Variants in SLC14A2 observed in about 807,000 individuals in gnomAD.
The protein encoded by SLC14A2 is solute carrier family 14 member 2, also known as urea transporter 2.
A neutral mutation model predicts 104.6 loss-of-function variants in SLC14A2; 91 were observed. That is an observed-to-expected ratio of 0.87 (90% confidence interval 0.73 to 1.04). SLC14A2 has a LOEUF of 1.04. SLC14A2 is among the 50% of genes least tolerant of loss of function. The pLI is 0.00. For missense variants in SLC14A2, 1,189 were observed against 1,156.0 expected, an observed-to-expected ratio of 1.03 and a Z score of -0.41; for synonymous variants, 476 against 466.4, an observed-to-expected ratio of 1.02 and a Z score of -0.27.
intron 1 of SLC14A2, among the ~76,000 whole-genome samples, chr18:45,366,962 A>G (rs777622036): frequency 1.2e-4 from 18 of 152,320 alleles, no homozygotes; most frequent in Non-Finnish European, 2.2e-4. Context: ...TTTCAATCAC[A>G]CAGCATGCAG....
At chr18:45,675,184 A>G (rs2046205899) in intron 18 of SLC14A2, among the ~76,000 whole-genome samples, 1 of 152,256 alleles carries the variant, frequency 6.6e-6, no homozygotes, top group African/African-American at 2.4e-5. Flanking sequence ...AGAATACACT[A>G]AAGTGAATTT....
At chr18:45,259,386 T>C (rs977164324) in intron 1 of SLC14A2, among the ~76,000 whole-genome samples, 8 of 152,192 alleles carry the variant, frequency 5.3e-5, no homozygotes, top group African/African-American at 1.9e-4. Flanking sequence ...CAATTGCTGC[T>C]GTCTGGAAAA....
chr18:45,598,189 C>T (rs528271122), intron 2 of SLC14A2, among the ~76,000 whole-genome samples: 11 of 152,174 alleles, frequency 7.2e-5, no homozygotes, highest in South Asian at 4.2e-4. Flanking sequence ...CAGCCAGCCC[C>T]GACTGTTAGC....
intron 2 of SLC14A2, among the ~76,000 whole-genome samples, chr18:45,534,559 T>C (rs1158244658): frequency 6.6e-6 from 1 of 152,030 alleles, no homozygotes; most frequent in African/African-American, 2.4e-5. Context: ...ATAATAATAA[T>C]AATAACAATG....
Position 45,596,620 on chromosome 18 carries a change from C to A in SLC14A2, c.-34-28011C>A, listed in dbSNP as rs74580569. ...CCCATCAGGAAGGGCAGCTGGAACT[C>A]TTGGGCAAAAGCTGAAGCTATTGTT... is the stretch of plus-strand genomic sequence containing the variant. On this transcript the variant is annotated intron_variant, in intron 2 of 20. Coordinates refer to the SLC14A2 transcript ENST00000586448. Among the ~76,000 whole-genome samples, 917 of 152,324 alleles carry A rather than the reference C, an allele frequency of 6.0e-3. 13 individuals carry two copies. The highest frequency in any genetic ancestry group is 0.021 in the African/African-American group (881 of 41,558).
intron 1 of SLC14A2, among the ~76,000 whole-genome samples, chr18:45,402,246 C>CA (rs35692617): frequency 1.5e-4 from 23 of 151,318 alleles, no homozygotes; most frequent in Admixed American, 2.0e-4. Flanking sequence ...TTTCCTCCTG[C>CA]AAAAAAAAGT....
At position 45,249,372 on chromosome 18, in the gene SLC14A2, C is replaced by T. The variant is rs1366647298; in HGVS notation, c.-125+36181C>T. ...TGTGCCTGTGTGTGTGCTGAACATG[C>T]GTTGAGCAGCTGCTCTGGGTTTGTG... is the stretch of plus-strand genomic sequence containing the variant. On this transcript the variant is annotated intron_variant, in intron 1 of 20. Transcript: ENST00000586448. 3.3e-5 allele frequency among the ~76,000 whole-genome samples: 5 copies of T among 150,220 alleles called. No individual in the cohort carries two copies. In the South Asian group the frequency reaches 6.3e-4, roughly 19 times the overall value.
chr18:45,248,602 A>G (rs543891223), intron 1 of SLC14A2, among the ~76,000 whole-genome samples: 1 of 152,340 alleles, frequency 6.6e-6, no homozygotes, highest in East Asian at 1.9e-4. Flanking sequence ...ATGTTGAGGT[A>G]GACTTCAGAC....
intron 2 of SLC14A2, among the ~76,000 whole-genome samples, chr18:45,565,156 G>C (rs953635584): frequency 6.8e-6 from 1 of 146,414 alleles, no homozygotes; most frequent in African/African-American, 2.6e-5. Context: ...ACAGAGTCTT[G>C]CTCTGTCGCC....
rs1041807123 is a variant in SLC14A2 at position 45,369,828 on chromosome 18, T to C, written c.-124-113405T>C. 9.2e-5 allele frequency among the ~76,000 whole-genome samples: 14 copies of C among 152,328 alleles called. No homozygotes were observed. The East Asian group carries it at 2.7e-3, about 29-fold the overall frequency. On this transcript the variant is annotated intron_variant, in intron 1 of 20. Coordinates refer to the SLC14A2 transcript ENST00000586448. ...ACTCTTTGGTGAGATTACAGTCAAA[T>C]ACACCCTCTAAATTGTCCAGCAGAA...
the SLC14A2 span, among the ~76,000 whole-genome samples, chr18:45,187,873 AG>A: frequency 6.6e-6 from 1 of 152,172 alleles, no homozygotes; most frequent in Admixed American, 6.6e-5. Context: ...GGTGAGATTG[AG>A]TCATCTTATG....
At chr18:45,294,002 G>A (rs1392965238) in intron 1 of SLC14A2, among the ~76,000 whole-genome samples, 2 of 152,130 alleles carry the variant, frequency 1.3e-5, no homozygotes, top group African/African-American at 4.8e-5. Flanking sequence ...AAAGAAAGTG[G>A]GTGGGATCAA....
intron 1 of SLC14A2, among the ~76,000 whole-genome samples, chr18:45,422,676 T>C (rs906549263): frequency 6.6e-6 from 1 of 152,176 alleles, no homozygotes; most frequent in Admixed American, 6.5e-5. Flanking sequence ...AAGGCCAATG[T>C]CAAGACTGAG....
At chr18:45,214,133 T>C (rs746770450) in intron 1 of SLC14A2, among the ~76,000 whole-genome samples, 1 of 152,208 alleles carries the variant, frequency 6.6e-6, no homozygotes, top group African/African-American at 2.4e-5. Context: ...CCAAATCTTA[T>C]TGAAGAAGAT....
intron 2 of SLC14A2, among the ~76,000 whole-genome samples, chr18:45,507,830 G>A (rs2043308405): frequency 6.6e-6 from 1 of 152,172 alleles, no homozygotes; most frequent in South Asian, 2.1e-4. Context: ...GACTCTCTTT[G>A]CTTACTGCAA....
At chr18:45,460,159 C>A (rs1282749406) in intron 1 of SLC14A2, among the ~76,000 whole-genome samples, 1 of 152,190 alleles carries the variant, frequency 6.6e-6, no homozygotes, top group Non-Finnish European at 1.5e-5. Context: ...ATATTCCCAC[C>A]TGAAAGGAAA....
chr18:45,654,954 T>G (rs188133723), intron 10 of SLC14A2, among the ~76,000 whole-genome samples: 83 of 152,286 alleles, frequency 5.5e-4, no homozygotes, highest in African/African-American at 1.9e-3. Context: ...CTCTGGCTAA[T>G]GAGATAGAGC....
rs1833409 is a variant in SLC14A2 at position 45,439,597 on chromosome 18, A to G, written c.-124-43636A>G. On this transcript the variant is annotated intron_variant, in intron 1 of 20. Transcript: ENST00000586448. ...TTATGATGCTCACAGTCTAGTGAGG[A>G]AGAAATGCCAATGAAATAATTACAT... 3.1e-3 allele frequency among the ~76,000 whole-genome samples: 475 copies of G among 152,324 alleles called. 3 individuals are homozygous for G. Among genetic ancestry groups the G allele is most frequent in the Non-Finnish European group, 5.6e-3 (383 of 68,026 alleles).
In SLC14A2 at chr18:45,400,867, C is replaced by T. The variant is rs561522082; in HGVS notation, c.-124-82366C>T. Among the ~76,000 whole-genome samples, 261 of 152,294 alleles carry T rather than the reference C, an allele frequency of 1.7e-3. 1 individual carries two copies. The highest frequency in any genetic ancestry group is 6.8e-3 in the Middle Eastern group (2 of 294). On this transcript the variant is annotated intron_variant, in intron 1 of 20. Coordinates refer to the SLC14A2 transcript ENST00000586448. ...TTCTATCATTATTTGCTTTGATGCT[C>T]GGACGTGTCCTAGATTTGGCCAGAA...
Sources: allele counts gnomAD v4.1 joint callset (sites outside exome capture counted in the v4.1 genomes callset), GRCh38; gene constraint gnomAD v4.1.1; transcripts MANE v1.5; gene names NCBI Gene and HGNC (gene_info 2026-07-23, HGNC 2026-07-21).